Variants in AKAP13 observed in about 807,000 individuals in gnomAD.
The protein encoded by AKAP13 is A-kinase anchoring protein 13.
Under a neutral mutation model 264.5 loss-of-function variants are expected in AKAP13, and 80 were observed. The ratio of observed to expected loss-of-function variants is 0.30; its 90% confidence interval spans 0.25 to 0.36. AKAP13 has a LOEUF of 0.36. AKAP13 is among the 10% of genes least tolerant of loss of function. The pLI is 1.00. For synonymous variants in AKAP13, 1,380 were observed against 1,250.2 expected (o/e 1.10, Z -2.19); for missense variants, 3,712 against 3,435.2 (o/e 1.08, Z -2.01).
chr15:85,709,659 A>AATTTTATTTTATTTT (rs56793112), intron 18 of AKAP13, among the ~76,000 whole-genome samples: 4,942 of 137,820 alleles, frequency 0.036, 190 homozygotes, highest in East Asian at 0.17. Flanking sequence ...TAAAAGGGGG[A>AATTTTATTTTATTTT]ATTTTATTTT....
chr15:85,655,608 A>G lies in AKAP13; in HGVS notation c.4566A>G (p.Glu1522=). 6.2e-7 allele frequency: 1 copy of G among 1,613,556 alleles called. No individual in the cohort carries two copies. The highest frequency in any genetic ancestry group is 1.3e-5 in the African/African-American group (1 of 75,048). The change falls in exon 11 of 37, where the codon GAA becomes GAG. Residue 1522 remains glutamate (E), a synonymous_variant. Coordinates refer to ENST00000394518, the MANE Select transcript of AKAP13 (RefSeq NM_007200.5). ...ATGGGATGGGAGCTGAGGGTCGAGA[A>G]AGTGAGAGTGAGCCTGCTGACCCAG... The part of the protein sequence containing the change: ...YSHGMGAEGR[E]SESEPADPGD...
chr15:85,536,946 C>A (rs1189946828), intron 4 of AKAP13: 1 of 151,780 alleles, frequency 6.6e-6, no homozygotes, highest in African/African-American at 2.4e-5. Flanking sequence ...GAGTGTACAT[C>A]CCCTAAAGGT....
At chr15:85,589,533 A>G (rs1596622922) in intron 8 of AKAP13, among the ~76,000 whole-genome samples, 1 of 151,412 alleles carries the variant, frequency 6.6e-6, no homozygotes, top group Non-Finnish European at 1.5e-5. Flanking sequence ...AGGCAGGCGG[A>G]TCACTTGAGG....
At position 85,420,273 on chromosome 15, in the gene AKAP13, T is replaced by TTC. The variant is rs954214491; in HGVS notation, c.-12+39477_-12+39478dup. On this transcript the variant is annotated intron_variant, in intron 1 of 36. Coordinates refer to ENST00000394518, the MANE Select transcript of AKAP13 (RefSeq NM_007200.5). ...TTTTAATCTGACTCTTTTAACAGTA[T>TTC]TCTGATAGAGCAGCGATGGCTTCAA... Among the ~76,000 whole-genome samples, 10 of 152,102 alleles carry TTC rather than the reference T, an allele frequency of 6.6e-5. No homozygotes were observed. In the East Asian group the frequency reaches 1.9e-3, roughly 29 times the overall value.
At chr15:85,545,950 T>C (rs1475559095) in intron 5 of AKAP13, among the ~76,000 whole-genome samples, 4 of 152,174 alleles carry the variant, frequency 2.6e-5, no homozygotes, top group Non-Finnish European at 4.4e-5. Context: ...ACCACTATTA[T>C]TTCCAGAACT....
chr15:85,643,847 A>G (rs2082422511), intron 9 of AKAP13, among the ~76,000 whole-genome samples: 1 of 152,070 alleles, frequency 6.6e-6, no homozygotes. Context: ...GACTGTCGTG[A>G]CCCCATTACT....
At chr15:85,731,093 C>A (rs554986682) in intron 30 of AKAP13, among the ~76,000 whole-genome samples, 1 of 150,728 alleles carries the variant, frequency 6.6e-6, no homozygotes, top group East Asian at 2.0e-4. Flanking sequence ...CAACCTCCCC[C>A]TCCTGGGTTC....
At chr15:85,520,450 A>G (rs11634589) in intron 2 of AKAP13, among the ~76,000 whole-genome samples, 35,329 of 147,302 alleles carry the variant, frequency 0.24, 5,606 homozygotes, top group Middle Eastern at 0.43. Flanking sequence ...GTGAGCTGAG[A>G]TCACGCCACT....
At chr15:85,440,016 C>T (rs1488255695) in intron 1 of AKAP13, among the ~76,000 whole-genome samples, 1 of 151,784 alleles carries the variant, frequency 6.6e-6, no homozygotes, top group Non-Finnish European at 1.5e-5. Flanking sequence ...CAGGTTGTCA[C>T]TGAAAAGTTA....
chr15:85,568,287 A>G (rs1243058493), intron 5 of AKAP13, among the ~76,000 whole-genome samples: 1 of 151,610 alleles, frequency 6.6e-6, no homozygotes, highest in Non-Finnish European at 1.5e-5. Context: ...GTGACCCTCT[A>G]TCAAAAAAAA....
intron 1 of AKAP13, among the ~76,000 whole-genome samples, chr15:85,473,769 C>A (rs894022990): frequency 6.6e-6 from 1 of 152,172 alleles, no homozygotes; most frequent in Non-Finnish European, 1.5e-5. Flanking sequence ...CAGGGGCCTC[C>A]CTCCTCTGTA....
intron 16 of AKAP13, chr15:85,692,965 A>C (rs1177360690): frequency 3.8e-6 from 1 of 265,652 alleles, no homozygotes; most frequent in African/African-American, 2.3e-5. Context: ...GAAGGGCTGT[A>C]CTGAGGTGTC....
At chr15:85,505,773 T>C (rs768550874) in intron 2 of AKAP13, among the ~76,000 whole-genome samples, 5 of 152,078 alleles carry the variant, frequency 3.3e-5, no homozygotes, top group Non-Finnish European at 7.4e-5. Context: ...GATACTATCT[T>C]AGTATTTTCC....
chr15:85,724,604 C>G lies in AKAP13; in HGVS notation c.6745+1284C>G, dbSNP rs755359977. Among the ~76,000 whole-genome samples the G allele has an allele frequency of 6.6e-6, 1 of 151,458 alleles. No individual in the cohort carries two copies. The highest frequency in any genetic ancestry group is 1.5e-5 in the Non-Finnish European group (1 of 67,936). ...GCCAGGTTGTAATGAGGTGCATTCT[C>G]CAGACTGAGGAGTTAACAGTTGATA... On this transcript the variant is annotated intron_variant, in intron 26 of 36. Coordinates refer to ENST00000394518, the MANE Select transcript of AKAP13 (RefSeq NM_007200.5). This position sits in a 1 kb window ranked among gnomAD's most constrained non-coding sequence, Gnocchi z 4.2.
intron 1 of AKAP13, among the ~76,000 whole-genome samples, chr15:85,435,134 A>C (rs2073216442): frequency 7.3e-6 from 1 of 137,374 alleles, no homozygotes; most frequent in Non-Finnish European, 1.6e-5. Context: ...AAAGGAGCTG[A>C]TGGAGCTGAA....
chr15:85,729,364 G>C (rs936913648), intron 29 of AKAP13, among the ~76,000 whole-genome samples: 1 of 152,126 alleles, frequency 6.6e-6, no homozygotes, highest in African/African-American at 2.4e-5. Context: ...AGGAGACAGA[G>C]TCTCTCACAG....
At chr15:85,588,752 G>C (rs1471181380) in intron 8 of AKAP13, among the ~76,000 whole-genome samples, 3 of 152,136 alleles carry the variant, frequency 2.0e-5, no homozygotes, top group African/African-American at 7.2e-5. Context: ...TAGACCCTTG[G>C]AGAGTCACAT....
intron 1 of AKAP13, among the ~76,000 whole-genome samples, chr15:85,410,334 T>C (rs1197552298): frequency 6.6e-6 from 1 of 151,666 alleles, no homozygotes; most frequent in Non-Finnish European, 1.5e-5. Flanking sequence ...CATGCCCTTC[T>C]TGTCGACTTT....
At chr15:85,415,185 G>A (rs563632423) in intron 1 of AKAP13, 39 of 1,253,078 alleles carry the variant, frequency 3.1e-5, no homozygotes, top group Middle Eastern at 5.2e-4. Flanking sequence ...CTGCCACGCC[G>A]ACGCAGACCC....
Sources: allele counts gnomAD v4.1 joint callset (sites outside exome capture counted in the v4.1 genomes callset), GRCh38; gene constraint gnomAD v4.1.1; non-coding constraint Gnocchi (gnomAD v3.1); transcripts MANE v1.5; gene names NCBI Gene and HGNC (gene_info 2026-07-23, HGNC 2026-07-21).